SPIDR: variants seen among roughly 807,000 people sequenced by gnomAD.
SPIDR encodes scaffold protein involved in DNA repair, also known as DNA repair-scaffolding protein.
SPIDR carries 93 observed loss-of-function variants against 104.6 expected under a neutral mutation model. The observed-to-expected ratio is 0.89, with a 90% CI of 0.75 to 1.06. The LOEUF is 1.06. Among genes scored for constraint, SPIDR ranks in the 50% least tolerant of loss-of-function variants. SPIDR has a pLI of 0.00. For synonymous variants in SPIDR, 431 were observed against 416.9 expected (o/e 1.03, Z -0.41); for missense variants, 1,154 against 1,111.2 (o/e 1.04, Z -0.55).
At chr8:47,499,194 A>C (rs984434378) in intron 8 of SPIDR, among the ~76,000 whole-genome samples, 1 of 152,232 alleles carries the variant, frequency 6.6e-6, no homozygotes, top group African/African-American at 2.4e-5. Context: ...AAATATGAAG[A>C]GTACGTAACA....
chr8:47,416,549 C>T (rs1429219425), intron 7 of SPIDR, among the ~76,000 whole-genome samples: 5 of 151,768 alleles, frequency 3.3e-5, no homozygotes, highest in African/African-American at 9.7e-5. Context: ...ATCAAGATTG[C>T]GATTGTCAGG....
chr8:47,352,304 A>C (rs540790733), intron 5 of SPIDR, among the ~76,000 whole-genome samples: 1 of 152,022 alleles, frequency 6.6e-6, no homozygotes, highest in South Asian at 2.1e-4. Context: ...AAAGAAAGAA[A>C]ATAATTTGAC....
At chr8:47,384,714 T>C (rs1259662898) in intron 5 of SPIDR, among the ~76,000 whole-genome samples, 1 of 152,128 alleles carries the variant, frequency 6.6e-6, no homozygotes, top group Non-Finnish European at 1.5e-5. Flanking sequence ...TGCCGTCCTC[T>C]CCTCCTCCTC....
At chr8:47,649,199 T>C (rs991117243) in intron 10 of SPIDR, among the ~76,000 whole-genome samples, 1 of 151,968 alleles carries the variant, frequency 6.6e-6, no homozygotes, top group Non-Finnish European at 1.5e-5. Flanking sequence ...ACAATGATCA[T>C]TCCTGTGAAT....
At chr8:47,571,436 CAG>C (rs1420111792) in intron 8 of SPIDR, among the ~76,000 whole-genome samples, 6 of 151,714 alleles carry the variant, frequency 4.0e-5, no homozygotes, top group African/African-American at 1.5e-4. Context: ...CAATAAAGCT[CAG>C]GGGGAGGAGG....
At chr8:47,489,452 C>T (rs113532602) in intron 8 of SPIDR, among the ~76,000 whole-genome samples, 3,088 of 152,190 alleles carry the variant, frequency 0.02, 65 homozygotes, top group Non-Finnish European at 0.024. Context: ...GATTCAGTGC[C>T]ATCCCCATCA....
At chr8:47,500,945 A>T (rs1399201638) in intron 8 of SPIDR, among the ~76,000 whole-genome samples, 1 of 152,140 alleles carries the variant, frequency 6.6e-6, no homozygotes, top group Admixed American at 6.5e-5. Context: ...CAAAGATCTG[A>T]TGGTTGTAGA....
At chr8:47,412,875 A>G (rs1554672816) in intron 7 of SPIDR, among the ~76,000 whole-genome samples, 1 of 152,128 alleles carries the variant, frequency 6.6e-6, no homozygotes, top group African/African-American at 2.4e-5. Flanking sequence ...ATTGCTTTCA[A>G]TTTAGTTTGT....
rs541667512 is a variant in SPIDR at position 47,523,778 on chromosome 8, A to G, written c.1098-72033A>G. Among the ~76,000 whole-genome samples, 4 of 152,274 alleles carry G rather than the reference A, an allele frequency of 2.6e-5. No homozygotes were observed. In the East Asian group the frequency reaches 7.7e-4, roughly 29 times the overall value. On this transcript the variant is annotated intron_variant, in intron 8 of 19. Transcript: ENST00000297423. ...ATCAGGCCGCAGCCTTCTCAATAAG[A>G]AGTGCTAACTTCCTCAGGAAAACAG...
chr8:47,696,698 C>A (rs1255892988), intron 11 of SPIDR, among the ~76,000 whole-genome samples: 1 of 152,170 alleles, frequency 6.6e-6, no homozygotes, highest in Non-Finnish European at 1.5e-5. Flanking sequence ...TGCTTCAGCA[C>A]CCACACCTAG....
intron 7 of SPIDR, among the ~76,000 whole-genome samples, chr8:47,429,549 A>C (rs1482245677): frequency 1.3e-5 from 2 of 152,218 alleles, no homozygotes; most frequent in Non-Finnish European, 2.9e-5. Flanking sequence ...GAACTGCACA[A>C]AGAGCTACAA....
rs2086212097 is a variant in SPIDR at position 47,736,087 on chromosome 8, C to A, written c.*637C>A. On this transcript the variant is annotated 3_prime_UTR_variant, in exon 20 of 20. Coordinates refer to ENST00000297423, the MANE Select transcript of SPIDR (RefSeq NM_001080394.4). Reference sequence around the variant, plus strand: ...TGTTTTAATTAGGCTGGGTAATGTGCACGGAGAGCAAAGATCACAGACTAA... The same window carrying A: ...TGTTTTAATTAGGCTGGGTAATGTGAACGGAGAGCAAAGATCACAGACTAA... 1 of 156,032 alleles carries A rather than the reference C, an allele frequency of 6.4e-6. No homozygotes were observed. Among genetic ancestry groups the A allele is most frequent in the Admixed American group, 6.2e-5 (1 of 16,218 alleles). The allele number at this position is 156,032 out of a possible 1,614,324, so 9.7% of individuals were successfully genotyped here. A position where few individuals can be genotyped will look rare whatever the true frequency, so the allele number is the denominator to read the frequency against.
intron 5 of SPIDR, among the ~76,000 whole-genome samples, chr8:47,309,908 G>A (rs1353088668): frequency 3.9e-5 from 6 of 151,902 alleles, no homozygotes; most frequent in South Asian, 2.1e-4. Context: ...ACATGGTGGC[G>A]GGCGCCTGTA....
chr8:47,386,904 G>GAT (rs35768286), intron 5 of SPIDR, among the ~76,000 whole-genome samples: 4 of 126,860 alleles, frequency 3.2e-5, no homozygotes, highest in East Asian at 2.3e-4. Context: ...GAGAGAGAGA[G>GAT]ATATAGATAT....
chr8:47,707,019 G>A (rs925937970), intron 14 of SPIDR, among the ~76,000 whole-genome samples: 4 of 152,086 alleles, frequency 2.6e-5, no homozygotes, highest in East Asian at 1.9e-4. Context: ...TTGGGAGGCC[G>A]AGGCAGGTAC....
intron 8 of SPIDR, among the ~76,000 whole-genome samples, chr8:47,534,245 T>C (rs1053309007): frequency 3.8e-4 from 58 of 152,248 alleles, no homozygotes; most frequent in African/African-American, 1.4e-3. Flanking sequence ...CCTGGGTGTT[T>C]GTTCTTAGCA....
At chr8:47,309,661 A>G (rs2043757622) in intron 5 of SPIDR, among the ~76,000 whole-genome samples, 1 of 152,064 alleles carries the variant, frequency 6.6e-6, no homozygotes, top group Non-Finnish European at 1.5e-5. Context: ...TCATTTCCCA[A>G]ATACTTCTGT....
At chr8:47,337,975 T>C (rs949673825) in intron 5 of SPIDR, among the ~76,000 whole-genome samples, 2 of 152,050 alleles carry the variant, frequency 1.3e-5, no homozygotes. Flanking sequence ...CTTACCTTAA[T>C]TAATGTAATT....
At chr8:47,366,359 G>A (rs887342625) in intron 5 of SPIDR, among the ~76,000 whole-genome samples, 1 of 152,078 alleles carries the variant, frequency 6.6e-6, no homozygotes, top group Non-Finnish European at 1.5e-5. Context: ...AGATTGTGGG[G>A]GCTGTGGTTC....
Sources: gnomAD v4.1 joint callset for allele counts (sites outside exome capture counted in the v4.1 genomes callset) on GRCh38, gnomAD v4.1.1 for gene constraint, MANE v1.5 for transcripts, NCBI Gene and HGNC (gene_info 2026-07-23, HGNC 2026-07-21) for gene names.